Variants in CSF1 observed in about 807,000 individuals in gnomAD.
CSF1 encodes macrophage colony-stimulating factor 1.
In CSF1, 9 loss-of-function variants were observed where a neutral mutation model predicts 48.9. That is an observed-to-expected ratio of 0.18 (90% CI 0.11 to 0.32). CSF1 has a LOEUF of 0.32. Among genes scored for constraint, CSF1 ranks in the 10% least tolerant of loss-of-function variants. CSF1 has a pLI of 1.00. For synonymous variants in CSF1, 305 were observed against 284.1 expected (o/e 1.07, Z -0.74); for missense variants, 672 against 697.9 (o/e 0.96, Z 0.42).
At chr1:109,913,233 A>G (rs1322013722) in intron 1 of CSF1, among the ~76,000 whole-genome samples, 1 of 152,246 alleles carries the variant, frequency 6.6e-6, no homozygotes, top group Non-Finnish European at 1.5e-5. Flanking sequence ...CCCAGAGTCC[A>G]GGATAGTGTC....
intron 5 of CSF1, 81 bp downstream of exon 5, chr1:109,922,075 G>A (rs2101651501): frequency 6.7e-7 from 1 of 1,483,234 alleles, no homozygotes; most frequent in South Asian, 1.4e-5. Flanking sequence ...TGAAGCTGGG[G>A]GGACCCCTGG....
Position 109,921,862 on chromosome 1 carries a change from T to G in CSF1, c.412T>G (p.Phe138Val). The G allele has an allele frequency of 6.3e-7, 1 of 1,598,978 alleles. No homozygotes were observed. Among genetic ancestry groups the G allele is most frequent in the Non-Finnish European group, 8.5e-7 (1 of 1,169,910 alleles). ...CTCCTTCCAGGCCTGCGTCCGAACT[T>G]TCTATGAGACACCTCTCCAGTTGCT... ...EEHDKACVRT[F>V]YETPLQLLEK... The change falls in exon 5 of 9, where the codon TTC (phenylalanine) becomes GTC (valine). Residue 138 changes from phenylalanine (F) to valine (V), a missense_variant. Transcript: ENST00000329608.
In CSF1 at chr1:109,929,944, G is replaced by C. The variant is rs1024470568; in HGVS notation, c.*1106G>C. ...CAAGAGGGAAGGGACTAGTGGGAGA[G>C]AGCAAGGGAGGGGAGGGCACAGACA... On this transcript the variant is annotated 3_prime_UTR_variant, in exon 9 of 9. Transcript: ENST00000329608. The C allele has an allele frequency of 1.3e-5, 2 of 152,696 alleles. No individual in the cohort carries two copies. Among genetic ancestry groups the C allele is most frequent in the Non-Finnish European group, 2.9e-5 (2 of 68,296 alleles). The allele number at this position is 152,696 out of a possible 1,614,324, so 9.5% of individuals were successfully genotyped here. A position where few individuals can be genotyped will look rare whatever the true frequency, so the allele number is the denominator to read the frequency against.
At chr1:109,912,067 A>C (rs551651718) in intron 1 of CSF1, among the ~76,000 whole-genome samples, 211 of 151,964 alleles carry the variant, frequency 1.4e-3, no homozygotes, top group African/African-American at 5.0e-3. Context: ...GTGAGAGAGA[A>C]AGGGAAGAGT....
chr1:109,917,265 C>G, intron 3 of CSF1, 28 bp from the exon 4 acceptor site: 1 of 1,608,132 alleles, frequency 6.2e-7, no homozygotes, highest in African/African-American at 1.3e-5. Flanking sequence ...AATGGCCAGG[C>G]CATAAGCTCC....
In CSF1 at chr1:109,922,955, C is replaced by A. The variant is rs868854582; in HGVS notation, c.545-211C>A. 2.0e-5 allele frequency among the ~76,000 whole-genome samples: 3 copies of A among 152,156 alleles called. No individual in the cohort carries two copies. In the South Asian group the frequency reaches 6.2e-4, roughly 31 times the overall value. ...TGCATCTCAACCCTATTCTTTGTCA[C>A]TGCTCATGAGACCCTGCATACGGCA... On this transcript the variant is annotated intron_variant, in intron 5 of 8. Transcript: ENST00000329608.
At chr1:109,920,552 C>T (rs1448818923) in intron 4 of CSF1, among the ~76,000 whole-genome samples, 1 of 152,096 alleles carries the variant, frequency 6.6e-6, no homozygotes, top group South Asian at 2.1e-4. Context: ...CTCCTGACCT[C>T]GTGATCAGCC....
intron 8 of CSF1, 28 bp downstream of exon 8, chr1:109,925,230 C>T (rs374816508): frequency 6.3e-7 from 1 of 1,594,158 alleles, no homozygotes; most frequent in Non-Finnish European, 8.6e-7. Flanking sequence ...ATCTCCACTC[C>T]TAAAACTTAC....
In CSF1 at chr1:109,915,655, T is replaced by G. The variant is rs1327369373; in HGVS notation, c.184T>G (p.Ser62Ala). ...QRLIDSQMET[S>A]CQITFEFVDQ... ...ACAGATTGACAGTCAGATGGAGACC[T>G]CGTGCCAAATTACATTTGAGTTTGT... The change falls in exon 3 of 9, where the codon TCG becomes GCG. Residue 62 changes from serine to alanine, a missense_variant. This residue lies in a region of CSF1 where 28 missense variants were observed against 58.8 expected (regional missense o/e 0.48). Transcript: ENST00000329608. 1 of 1,613,984 alleles carries G rather than the reference T, an allele frequency of 6.2e-7. No individual in the cohort carries two copies. Among genetic ancestry groups the G allele is most frequent in the Admixed American group, 1.7e-5 (1 of 60,022 alleles).
At chr1:109,917,242 G>T (rs887371784) in intron 3 of CSF1, 51 bp from the exon 4 acceptor site, 1 of 1,582,534 alleles carries the variant, frequency 6.3e-7, no homozygotes, top group Non-Finnish European at 8.6e-7. Context: ...GGGGTTGGGG[G>T]TTCCCAGGCC....
chr1:109,923,083 C>T, intron 5 of CSF1, 83 bp from the exon 6 acceptor site: 2 of 1,373,526 alleles, frequency 1.5e-6, no homozygotes, highest in South Asian at 1.5e-5. Flanking sequence ...CCCTCTTGCC[C>T]CGCTCTGGGA....
chr1:109,921,827 G>T lies in CSF1; in HGVS notation c.397-20G>T, dbSNP rs906002771. ...GGCCAATGGTCATGCTCACAAAAGG[G>T]GGCCCTGATCTCCTTCCAGGCCTGC... On this transcript the variant is annotated intron_variant, in intron 4 of 8. Transcript: ENST00000329608. 6.5e-7 allele frequency: 1 copy of T among 1,540,232 alleles called. No homozygotes were observed. Among genetic ancestry groups the T allele is most frequent in the Non-Finnish European group, 8.8e-7 (1 of 1,136,840 alleles).
At chr1:109,916,422 T>C (rs1166495275) in intron 3 of CSF1, among the ~76,000 whole-genome samples, 1 of 152,184 alleles carries the variant, frequency 6.6e-6, no homozygotes, top group Non-Finnish European at 1.5e-5. Flanking sequence ...AAGCCAAGGT[T>C]GTCTAGTCTG....
intron 2 of CSF1, among the ~76,000 whole-genome samples, chr1:109,915,056 G>A (rs562963190): frequency 6.6e-6 from 1 of 152,154 alleles, no homozygotes; most frequent in African/African-American, 2.4e-5. Context: ...GGCATCACTG[G>A]CTAACGCCAG....
chr1:109,930,278 T>C lies in CSF1; in HGVS notation c.*1440T>C, dbSNP rs1163968077. 3 of 152,050 alleles carry C rather than the reference T, an allele frequency of 2.0e-5. No individual in the cohort carries two copies. Among genetic ancestry groups the C allele is most frequent in the Non-Finnish European group, 4.4e-5 (3 of 68,088 alleles). 9.4% of individuals were successfully genotyped at this position (152,050 alleles called of 1,614,324 possible). On this transcript the variant is annotated 3_prime_UTR_variant, in exon 9 of 9. Transcript: ENST00000329608. ...TCACCTCTAACCAGGCAAGCCAGGG[T>C]GGGAGAGCAATCAGGAGAGCCAGGC...
intron 1 of CSF1, among the ~76,000 whole-genome samples, chr1:109,913,138 G>A (rs2101639230): frequency 6.6e-6 from 1 of 152,324 alleles, no homozygotes; most frequent in Non-Finnish European, 1.5e-5. Flanking sequence ...ACATTGTTGT[G>A]GGCTGTTTCA....
In CSF1 at chr1:109,924,175, C is replaced by T. The variant is rs1413006283; in HGVS notation, c.1554C>T (p.Tyr518=). 3.7e-6 allele frequency: 6 copies of T among 1,609,592 alleles called. No homozygotes were observed. Among genetic ancestry groups the T allele is most frequent in the Admixed American group, 1.7e-5 (1 of 59,538 alleles). ...VLLAVGGLLF[Y]RWRRRSHQEP... ...TGGCCGTCGGAGGCCTCTTGTTCTA[C>T]AGGTGGAGGCGGCGGGTGAGTAGAT... is the stretch of plus-strand genomic sequence containing the variant. Residue 518 remains tyrosine, a synonymous_variant, in exon 6 of 9, where the codon TAC becomes TAT. Coordinates refer to ENST00000329608, the MANE Select transcript of CSF1 (RefSeq NM_000757.6).
chr1:109,913,663 C>CT (rs1397844003), intron 1 of CSF1, among the ~76,000 whole-genome samples: 1 of 152,218 alleles, frequency 6.6e-6, no homozygotes, highest in African/African-American at 2.4e-5. Context: ...AGCTGGGCTC[C>CT]TTTTGAAACA....
chr1:109,913,619 G>A (rs2101639818), intron 1 of CSF1, among the ~76,000 whole-genome samples: 1 of 152,348 alleles, frequency 6.6e-6, no homozygotes, highest in East Asian at 1.9e-4. Context: ...GGCAAGGGAT[G>A]GCCCATTACT....
Sources: gnomAD v4.1 joint callset for allele counts (sites outside exome capture counted in the v4.1 genomes callset) on GRCh38, gnomAD v4.1.1 for gene constraint, gnomAD v4.1.1 regional missense constraint, MANE v1.5 for transcripts, NCBI Gene and HGNC (gene_info 2026-07-23, HGNC 2026-07-21) for gene names.